ACTN2: variants seen among roughly 807,000 people sequenced by gnomAD.
The protein encoded by ACTN2 is alpha-actinin-2.
ACTN2 carries 39 observed loss-of-function variants against 113.8 expected under a neutral mutation model. The observed-to-expected ratio is 0.34, with a 90% CI of 0.27 to 0.45. The LOEUF is 0.45. Among genes scored for constraint, ACTN2 ranks in the 20% least tolerant of loss-of-function variants. The pLI is 1.00. For synonymous variants in ACTN2, 429 were observed against 444.1 expected (o/e 0.97, Z 0.43); for missense variants, 992 against 1,177.9 (o/e 0.84, Z 2.31).
intron 17 of ACTN2, among the ~76,000 whole-genome samples, chr1:236,755,709 T>A (rs1659537820): frequency 1.5e-5 from 2 of 130,230 alleles, no homozygotes; most frequent in Non-Finnish European, 3.3e-5. Flanking sequence ...GCTGCCACTG[T>A]TAGAACCCTG....
intron 12 of ACTN2, 82 bp from the exon 13 acceptor site, chr1:236,747,584 CT>C: frequency 8.2e-7 from 1 of 1,225,162 alleles, no homozygotes; most frequent in Non-Finnish European, 1.2e-6. Context: ...TTAAACTTCC[CT>C]GTTATTTTTC....
intron 1 of ACTN2, among the ~76,000 whole-genome samples, chr1:236,694,617 A>C (rs1298767729): frequency 6.6e-6 from 1 of 152,094 alleles, no homozygotes; most frequent in East Asian, 2.0e-4. Flanking sequence ...TCATTTTAAC[A>C]ATTAACATCT....
intron 7 of ACTN2, among the ~76,000 whole-genome samples, chr1:236,733,627 G>C (rs1278414386): frequency 6.6e-6 from 1 of 152,184 alleles, no homozygotes; most frequent in Non-Finnish European, 1.5e-5. Context: ...CTAGCGTGTA[G>C]AGCGTGCGGT....
chr1:236,753,818 T>G, intron 15 of ACTN2, 129 bp from the exon 16 acceptor site: 5 of 1,091,482 alleles, frequency 4.6e-6, no homozygotes, highest in South Asian at 1.2e-5. Context: ...TCCTTCCCCC[T>G]ACACCCTCCT....
intron 4 of ACTN2, among the ~76,000 whole-genome samples, chr1:236,721,717 A>G (rs1034311793): frequency 5.9e-5 from 9 of 152,214 alleles, no homozygotes; most frequent in Admixed American, 1.3e-4. Flanking sequence ...AAATATTTAA[A>G]CTGTTGAACC....
At position 236,752,298 on chromosome 1, in the gene ACTN2, T is replaced by C. The variant is rs60084193; in HGVS notation, c.1839+646T>C. Among the ~76,000 whole-genome samples, 836 of 152,304 alleles carry C rather than the reference T, an allele frequency of 5.5e-3. 8 individuals carry two copies. The highest frequency in any genetic ancestry group is 0.019 in the African/African-American group (783 of 41,562). ...GAGGAATAAGTCCACCACGTGGGTC[T>C]GAAGTGGCTTTTACTATAAAAACAC... is the stretch of plus-strand genomic sequence containing the variant. On this transcript the variant is annotated intron_variant, in intron 15 of 20. Transcript: ENST00000366578.
At chr1:236,709,220 G>GTATATATATATATA (rs758619189) in intron 1 of ACTN2, among the ~76,000 whole-genome samples, 1 of 66,850 alleles carries the variant, frequency 1.5e-5, no homozygotes, top group Non-Finnish European at 2.7e-5. Context: ...ACAAATGACT[G>GTATATATATATATA]TATATATATA....
rs1658918625 is a variant in ACTN2 at position 236,737,319 on chromosome 1, T to TATATATATATATATATATA, written c.876+105_876+106insATATATATATATATATATA. 5 of 130,372 alleles carry TATATATATATATATATATA rather than the reference T, an allele frequency of 3.8e-5. 2 individuals are homozygous for TATATATATATATATATATA. Among genetic ancestry groups the TATATATATATATATATATA allele is most frequent in the Admixed American group, 1.2e-4 (1 of 8,450 alleles). The allele number at this position is 130,372 out of a possible 1,614,324, so 8.1% of individuals were successfully genotyped here. The stretch of plus-strand genomic sequence containing the variant: ...GGGGCATATATATATATATATATAT[T>TATATATATATATATATATA]TTGCATTTTTCATCTCAGATAGGAT... On this transcript the variant is annotated intron_variant, in intron 9 of 20. Transcript: ENST00000366578.
chr1:236,752,090 G>A (rs991343974), intron 15 of ACTN2, among the ~76,000 whole-genome samples: 4 of 152,150 alleles, frequency 2.6e-5, no homozygotes, highest in African/African-American at 9.7e-5. Context: ...ACGACATCTT[G>A]GGAATGAAAG....
At chr1:236,707,709 C>CTTTTTTTTTTTTT (rs5781919) in intron 1 of ACTN2, among the ~76,000 whole-genome samples, 46 of 78,730 alleles carry the variant, frequency 5.8e-4, no homozygotes, top group African/African-American at 7.0e-4. Context: ...TCTTTTTTTT[C>CTTTTTTTTTTTTT]TTTTTTTTTT....
intron 1 of ACTN2, among the ~76,000 whole-genome samples, chr1:236,712,462 A>T (rs1187701323): frequency 1.3e-5 from 2 of 152,208 alleles, no homozygotes; most frequent in Non-Finnish European, 2.9e-5. Context: ...AACTAAATAA[A>T]TTGACCTTCT....
At chr1:236,702,874 C>G (rs940567094) in intron 1 of ACTN2, among the ~76,000 whole-genome samples, 8 of 152,182 alleles carry the variant, frequency 5.3e-5, no homozygotes, top group Non-Finnish European at 1.2e-4. Flanking sequence ...CTGTTTCATT[C>G]TAAATGAATG....
intron 1 of ACTN2, among the ~76,000 whole-genome samples, chr1:236,709,711 T>C (rs1657969475): frequency 6.6e-6 from 1 of 152,102 alleles, no homozygotes; most frequent in Admixed American, 6.6e-5. Flanking sequence ...TGACAGACAA[T>C]GCTGTCTTAT....
At chr1:236,726,107 C>A in intron 5 of ACTN2, 87 bp downstream of exon 5, 1 of 1,232,420 alleles carries the variant, frequency 8.1e-7, no homozygotes, top group Non-Finnish European at 1.2e-6. Context: ...CCCGTGTTTT[C>A]CTCCTGTCTG....
chr1:236,704,135 G>A (rs1055719594), intron 1 of ACTN2, among the ~76,000 whole-genome samples: 17 of 152,164 alleles, frequency 1.1e-4, no homozygotes, highest in East Asian at 7.7e-4. Context: ...TAAGACAGTC[G>A]TTAGTTTCAC....
intron 19 of ACTN2, 75 bp downstream of exon 19, chr1:236,759,864 G>A: frequency 7.1e-7 from 1 of 1,413,826 alleles, no homozygotes; most frequent in East Asian, 2.3e-5. Context: ...AAGATGACAA[G>A]CTCAAACCAA....
intron 9 of ACTN2, among the ~76,000 whole-genome samples, chr1:236,738,298 C>G (rs1329737347): frequency 6.6e-6 from 1 of 152,250 alleles, no homozygotes; most frequent in African/African-American, 2.4e-5. Flanking sequence ...CGTGAGCCAC[C>G]GCACCTGGCC....
Position 236,686,556 on chromosome 1 carries a change from C to T in ACTN2, c.-118C>T, listed in dbSNP as rs1025237694. On this transcript the variant is annotated 5_prime_UTR_variant, in exon 1 of 21. Coordinates refer to ENST00000366578, the MANE Select transcript of ACTN2 (RefSeq NM_001103.4). ...AGGCGTGTCGCCCCGAGAGGAGCCG[C>T]GCGAAGGTCACCCCGCGCCCGCCGC... 2.0e-5 allele frequency: 24 copies of T among 1,218,930 alleles called. No homozygotes were observed. Among genetic ancestry groups the T allele is most frequent in the Non-Finnish European group, 1.3e-5 (12 of 951,004 alleles). 75.5% of individuals were successfully genotyped at this position (1,218,930 alleles called of 1,614,324 possible).
chr1:236,734,358 C>A, intron 7 of ACTN2: 3 of 1,045,086 alleles, frequency 2.9e-6, no homozygotes, highest in East Asian at 5.3e-5. Flanking sequence ...GATTCCAACA[C>A]CTCTGAGGAA....
Sources: gnomAD v4.1 joint callset for allele counts (sites outside exome capture counted in the v4.1 genomes callset) on GRCh38, gnomAD v4.1.1 for gene constraint, MANE v1.5 for transcripts, NCBI Gene and HGNC (gene_info 2026-07-23, HGNC 2026-07-21) for gene names.